The following RANBP17 variants were observed in gnomAD, a reference collection of about 807,000 sequenced individuals.
RANBP17 encodes RAN binding protein 17.
In RANBP17, 158 loss-of-function variants were observed where a neutral mutation model predicts 141.2. The ratio of observed to expected loss-of-function variants is 1.12; its 90% CI spans 0.98 to 1.28. The LOEUF is 1.28. RANBP17 is among the 50% of genes most tolerant of loss of function. The pLI is 0.00. For missense variants in RANBP17, 1,438 were observed against 1,290.7 expected (o/e 1.11, Z -1.75); for synonymous variants, 430 against 450.0 (o/e 0.96, Z 0.56).
At chr5:171,253,078 A>C in intron 24 of RANBP17, 1 of 781,912 alleles carries the variant, frequency 1.3e-6, no homozygotes, top group South Asian at 1.5e-5. Context: ...AGAAAAGAGA[A>C]AATGCAGGAA....
At chr5:171,099,655 G>A (rs1786986608) in intron 14 of RANBP17, among the ~76,000 whole-genome samples, 1 of 152,208 alleles carries the variant, frequency 6.6e-6, no homozygotes, top group Non-Finnish European at 1.5e-5. Context: ...TAGGAGTGGT[G>A]AGAGAGGGCA....
At chr5:171,200,691 AAAG>A (rs1234162507) in intron 19 of RANBP17, among the ~76,000 whole-genome samples, 1 of 152,208 alleles carries the variant, frequency 6.6e-6, no homozygotes, top group East Asian at 1.9e-4. Flanking sequence ...TCACCAAAAA[AAAG>A]AAAACAAAAA....
At chr5:171,101,378 T>G (rs1787150475) in intron 14 of RANBP17, among the ~76,000 whole-genome samples, 1 of 152,224 alleles carries the variant, frequency 6.6e-6, no homozygotes, top group African/African-American at 2.4e-5. Flanking sequence ...TGTTGATCTT[T>G]GTTGATTTAA....
chr5:171,081,822 T>C (rs1785272668), intron 14 of RANBP17, among the ~76,000 whole-genome samples: 1 of 152,146 alleles, frequency 6.6e-6, no homozygotes, highest in Non-Finnish European at 1.5e-5. Context: ...ATGTAATATG[T>C]TAGATATGTC....
chr5:170,934,895 AGTG>A (rs1218684039), intron 12 of RANBP17, among the ~76,000 whole-genome samples: 1 of 152,174 alleles, frequency 6.6e-6, no homozygotes, highest in Non-Finnish European at 1.5e-5. Flanking sequence ...TATCCTGAAG[AGTG>A]GTTTCCAACT....
chr5:170,965,711 A>G (rs3964649), intron 13 of RANBP17, among the ~76,000 whole-genome samples: 97,233 of 151,812 alleles, frequency 0.64, 31,881 homozygotes, highest in South Asian at 0.89. Context: ...ATAGTTGTAG[A>G]TATGCAGCGT....
At chr5:170,966,283 A>C (rs886067472) in intron 13 of RANBP17, among the ~76,000 whole-genome samples, 2 of 152,144 alleles carry the variant, frequency 1.3e-5, no homozygotes, top group African/African-American at 4.8e-5. Context: ...ACATTGATGC[A>C]AAAATCCTCA....
chr5:170,976,857 TAACTC>T (rs1777412475), intron 14 of RANBP17, among the ~76,000 whole-genome samples: 1 of 152,048 alleles, frequency 6.6e-6, no homozygotes, highest in Non-Finnish European at 1.5e-5. Flanking sequence ...ATGCAAAAGT[TAACTC>T]AAAATGAATC....
chr5:170,984,511 C>CA (rs1746150358), intron 14 of RANBP17, among the ~76,000 whole-genome samples: 1 of 151,890 alleles, frequency 6.6e-6, no homozygotes, highest in Non-Finnish European at 1.5e-5. Flanking sequence ...GCTGTAGTCC[C>CA]AGATACTCAT....
Position 170,892,476 on chromosome 5 carries a change from A to G in RANBP17, c.346A>G (p.Lys116Glu), listed in dbSNP as rs748429696. 7 of 1,613,960 alleles carry G rather than the reference A, an allele frequency of 4.3e-6. No individual in the cohort carries two copies. The highest frequency in any genetic ancestry group is 5.1e-6 in the Non-Finnish European group (6 of 1,179,900). ...ALIQVIAKIT[K>E]LGWFEVQKDQ... is the part of the protein sequence containing the mutation. ...TATTCAAGTCATTGCTAAAATCACT[A>G]AGTTGGGGTGGTTTGAGGTTCAGAA... The change falls in exon 4 of 28, where the codon AAG (lysine) becomes GAG (glutamate). Residue 116 changes from lysine (K) to glutamate (E), a missense_variant. Lys to Glu is a moderately conservative substitution (Grantham distance 56). Coordinates refer to ENST00000523189, the MANE Select transcript of RANBP17 (RefSeq NM_022897.5).
intron 12 of RANBP17, among the ~76,000 whole-genome samples, chr5:170,951,516 A>G (rs1775211371): frequency 1.3e-5 from 2 of 152,150 alleles, no homozygotes; most frequent in South Asian, 4.1e-4. Flanking sequence ...GTATGATTCC[A>G]TTTATATGAA....
At chr5:171,188,653 G>A (rs1377012737) in intron 18 of RANBP17, among the ~76,000 whole-genome samples, 4 of 152,162 alleles carry the variant, frequency 2.6e-5, no homozygotes, top group African/African-American at 9.7e-5. Context: ...TTTAAAACTA[G>A]GTCCGTGTCA....
intron 14 of RANBP17, among the ~76,000 whole-genome samples, chr5:171,059,188 T>C (rs1157187519): frequency 4.6e-5 from 7 of 152,146 alleles, no homozygotes; most frequent in South Asian, 2.1e-4. Context: ...TTTGTCAATT[T>C]TTGCTTTTGT....
At chr5:171,258,070 C>T (rs1766022843) in intron 24 of RANBP17, among the ~76,000 whole-genome samples, 1 of 150,860 alleles carries the variant, frequency 6.6e-6, no homozygotes, top group East Asian at 1.9e-4. Flanking sequence ...CGCTTCATTG[C>T]ACTCCAGCCT....
chr5:170,965,711 A>T (rs3964649), intron 13 of RANBP17, among the ~76,000 whole-genome samples: 1 of 151,800 alleles, frequency 6.6e-6, no homozygotes, highest in Admixed American at 6.6e-5. Context: ...ATAGTTGTAG[A>T]TATGCAGCGT....
chr5:171,288,402 G>A (rs1768294029), intron 25 of RANBP17, among the ~76,000 whole-genome samples: 1 of 152,140 alleles, frequency 6.6e-6, no homozygotes. Context: ...AGCCTTTTTT[G>A]TCACACCATC....
chr5:170,916,716 G>T, intron 9 of RANBP17, 132 bp downstream of exon 9: 1 of 414,958 alleles, frequency 2.4e-6, no homozygotes, highest in East Asian at 4.4e-5. Flanking sequence ...CTTCCTTAGA[G>T]CTTTTTTTTT....
rs138736799 is a variant in RANBP17, at chr5:171,077,284, G to A, written c.1711-92846G>A. On this transcript the variant is annotated intron_variant, in intron 14 of 27. Transcript: ENST00000523189. ...GAACCCGGTAGGCCGAGCTTGAAGT[G>A]AGCCGAGATCACGCCACTGCACTCC... Among the ~76,000 whole-genome samples, 814 of 152,016 alleles carry A rather than the reference G, an allele frequency of 5.4e-3. 12 individuals carry two copies. Among genetic ancestry groups the A allele is most frequent in the African/African-American group, 0.019 (787 of 41,448 alleles).
intron 19 of RANBP17, among the ~76,000 whole-genome samples, chr5:171,205,195 C>A (rs1762503454): frequency 6.6e-6 from 1 of 152,030 alleles, no homozygotes; most frequent in Middle Eastern, 3.2e-3. Flanking sequence ...ATGTCTAGAC[C>A]CTGTACATAT....
Sources: gnomAD v4.1 joint callset for allele counts (sites outside exome capture counted in the v4.1 genomes callset) on GRCh38, gnomAD v4.1.1 for gene constraint, MANE v1.5 for transcripts, NCBI Gene and HGNC (gene_info 2026-07-23, HGNC 2026-07-21) for gene names.